The following DDX10 variants were observed in gnomAD, a reference collection of about 807,000 sequenced individuals.
DDX10 encodes the protein DEAD-box helicase 10.
A neutral mutation model predicts 104.3 loss-of-function variants in DDX10; 74 were observed. The ratio of observed to expected loss-of-function variants is 0.71; its 90% CI spans 0.59 to 0.86. The LOEUF (loss-of-function observed/expected upper bound fraction) is 0.86. Ranked by LOEUF, DDX10 falls within the 40% of genes least tolerant of loss-of-function variation. The pLI is 0.00. For synonymous variants in DDX10, 351 were observed against 353.4 expected (o/e 0.99, Z 0.08); for missense variants, 952 against 1,040.0 (o/e 0.92, Z 1.16).
chr11:108,798,834 T>G (rs1861981002), intron 13 of DDX10, among the ~76,000 whole-genome samples: 2 of 152,152 alleles, frequency 1.3e-5, no homozygotes, highest in African/African-American at 4.8e-5. Flanking sequence ...TTGGAATCTT[T>G]TTTTTTTCCT....
chr11:108,854,700 A>G (rs1423289196), intron 16 of DDX10, among the ~76,000 whole-genome samples: 1 of 150,344 alleles, frequency 6.7e-6, no homozygotes, highest in Admixed American at 6.7e-5. Flanking sequence ...TCATTTTATT[A>G]TACAAGGAAG....
chr11:108,731,466 A>G (rs528889978), intron 13 of DDX10, among the ~76,000 whole-genome samples: 1 of 151,690 alleles, frequency 6.6e-6, no homozygotes, highest in African/African-American at 2.4e-5. Flanking sequence ...CCATGTTTTT[A>G]AGCAATTGGT....
chr11:108,938,187 C>T (rs917012232), intron 17 of DDX10, among the ~76,000 whole-genome samples: 3 of 152,100 alleles, frequency 2.0e-5, no homozygotes, highest in African/African-American at 7.2e-5. Context: ...TGTAGAATGC[C>T]TATACTGTTG....
intron 9 of DDX10, among the ~76,000 whole-genome samples, chr11:108,697,482 C>CT (rs889939563): frequency 1.3e-5 from 2 of 152,144 alleles, no homozygotes; most frequent in East Asian, 1.9e-4. Context: ...TTTGGGGAAT[C>CT]TTTTTTTCTT....
intron 13 of DDX10, among the ~76,000 whole-genome samples, chr11:108,835,831 G>A (rs578135494): frequency 6.6e-6 from 1 of 151,614 alleles, no homozygotes; most frequent in South Asian, 2.1e-4. Flanking sequence ...CATTTGAGGC[G>A]TGGTGGGGGG....
chr11:108,773,639 C>T (rs936756794), intron 13 of DDX10, among the ~76,000 whole-genome samples: 3 of 151,878 alleles, frequency 2.0e-5, no homozygotes, highest in African/African-American at 7.3e-5. Flanking sequence ...CTGATTCTAT[C>T]ATTGCACAAC....
intron 13 of DDX10, among the ~76,000 whole-genome samples, chr11:108,765,291 CA>C (rs1461589543): frequency 1.3e-5 from 2 of 152,200 alleles, no homozygotes; most frequent in African/African-American, 2.4e-5. Flanking sequence ...TCTAAATCCC[CA>C]TTCTGTCCCT....
At chr11:108,808,783 A>G (rs1485245145) in intron 13 of DDX10, among the ~76,000 whole-genome samples, 2 of 152,158 alleles carry the variant, frequency 1.3e-5, no homozygotes, top group African/African-American at 4.8e-5. Flanking sequence ...AAGTAACAAA[A>G]TGGCAAAAAT....
At chr11:108,710,267 CT>C (rs2094282371) in intron 10 of DDX10, among the ~76,000 whole-genome samples, 1 of 152,148 alleles carries the variant, frequency 6.6e-6, no homozygotes, top group Non-Finnish European at 1.5e-5. Flanking sequence ...CTACACTAAA[CT>C]TTTTTTCTTC....
intron 13 of DDX10, among the ~76,000 whole-genome samples, chr11:108,725,976 A>G (rs924857166): frequency 2.0e-5 from 3 of 152,010 alleles, no homozygotes; most frequent in African/African-American, 4.8e-5. Context: ...GTAAGGGTCA[A>G]GGTACACTTT....
chr11:108,737,799 G>T (rs1011453594), intron 13 of DDX10, among the ~76,000 whole-genome samples: 1 of 152,040 alleles, frequency 6.6e-6, no homozygotes, highest in Non-Finnish European at 1.5e-5. Context: ...CCATGATAAG[G>T]CATGCCTACA....
chr11:108,741,321 A>AT (rs951067187), intron 13 of DDX10, among the ~76,000 whole-genome samples: 1 of 151,486 alleles, frequency 6.6e-6, no homozygotes, highest in Non-Finnish European at 1.5e-5. Context: ...TTTTAAAGTC[A>AT]TTTTTTTTCT....
chr11:108,836,943 C>G (rs564009740), intron 13 of DDX10, among the ~76,000 whole-genome samples: 2 of 152,150 alleles, frequency 1.3e-5, no homozygotes, highest in South Asian at 4.1e-4. Flanking sequence ...GATAAATGTT[C>G]TAGATTGGTC....
intron 7 of DDX10, 113 bp from the exon 8 acceptor site, chr11:108,691,763 A>G (rs759871345): frequency 7.6e-6 from 6 of 785,246 alleles, no homozygotes; most frequent in Non-Finnish European, 1.1e-5. Context: ...ACTTGGTTGG[A>G]ATTGGGTATC....
At chr11:108,847,651 C>T (rs1862737462) in intron 15 of DDX10, among the ~76,000 whole-genome samples, 2 of 152,104 alleles carry the variant, frequency 1.3e-5, no homozygotes. Flanking sequence ...GGCATGGAAT[C>T]CAGATGACTT....
At chr11:108,900,294 TG>T in intron 16 of DDX10, among the ~76,000 whole-genome samples, 1 of 152,306 alleles carries the variant, frequency 6.6e-6, no homozygotes, top group Admixed American at 6.5e-5. Context: ...ATAAATTACC[TG>T]GTCTCAGGTA....
chr11:108,679,734 G>A (rs2094232010), intron 6 of DDX10, among the ~76,000 whole-genome samples, 174 bp downstream of exon 6: 1 of 152,172 alleles, frequency 6.6e-6, no homozygotes, highest in South Asian at 2.1e-4. Flanking sequence ...ATCTTTAAAT[G>A]TCAGGGTACT....
chr11:108,680,627 A>AT (rs2094233582), intron 6 of DDX10, among the ~76,000 whole-genome samples: 2 of 152,176 alleles, frequency 1.3e-5, no homozygotes, highest in African/African-American at 2.4e-5. Context: ...ATAAAGTTGG[A>AT]TTTTTTGTTG....
At chr11:108,858,204 C>T (rs1042694645) in intron 16 of DDX10, among the ~76,000 whole-genome samples, 21 of 151,988 alleles carry the variant, frequency 1.4e-4, no homozygotes, top group African/African-American at 4.6e-4. Context: ...GAACTGTTTC[C>T]GTTTTGAAGC....
Sources: allele counts gnomAD v4.1 joint callset (sites outside exome capture counted in the v4.1 genomes callset), GRCh38; gene constraint gnomAD v4.1.1; transcripts MANE v1.5; gene names NCBI Gene and HGNC (gene_info 2026-07-23, HGNC 2026-07-21).